TRIM2: variants seen among roughly 807,000 people sequenced by gnomAD.
TRIM2 encodes tripartite motif containing 2, also known as tripartite motif-containing protein 2.
A neutral mutation model predicts 75.2 loss-of-function variants in TRIM2; 20 were observed. That is an observed-to-expected ratio of 0.27 (90% CI 0.19 to 0.39). The LOEUF is 0.39. Ranked by LOEUF, TRIM2 falls within the 10% of genes least tolerant of loss-of-function variation. The pLI, the probability that TRIM2 is intolerant of heterozygous loss-of-function variation, is 1.00. For synonymous variants in TRIM2, 373 were observed against 388.3 expected, an observed-to-expected ratio of 0.96 and a Z score of 0.46; for missense variants, 660 against 990.8, an observed-to-expected ratio of 0.67 and a Z score of 4.48.
chr4:153,274,173 T>C (rs1757515408), intron 2 of TRIM2, among the ~76,000 whole-genome samples: 1 of 152,040 alleles, frequency 6.6e-6, no homozygotes. Context: ...GGGAGGGAGA[T>C]TTAAATGGCT....
chr4:153,332,971 T>G (rs1367348186), intron 11 of TRIM2, among the ~76,000 whole-genome samples: 1 of 152,232 alleles, frequency 6.6e-6, no homozygotes, highest in African/African-American at 2.4e-5. Context: ...CTCCTGGCTG[T>G]CTGTCCCAGA....
At chr4:153,294,570 G>A (rs114717316) in intron 5 of TRIM2, 85 bp downstream of exon 5, 1 of 1,329,778 alleles carries the variant, frequency 7.5e-7, no homozygotes, top group Admixed American at 2.2e-5. Flanking sequence ...GCAACAAGGG[G>A]TCCTTAAGTG....
intron 1 of TRIM2, among the ~76,000 whole-genome samples, chr4:153,178,556 TG>T (rs1244238927): frequency 6.6e-6 from 1 of 152,162 alleles, no homozygotes; most frequent in African/African-American, 2.4e-5. Context: ...CCTGTTTTGT[TG>T]AAAAGCTCAC....
At chr4:153,193,326 T>C (rs1158666759) in intron 1 of TRIM2, among the ~76,000 whole-genome samples, 2 of 151,984 alleles carry the variant, frequency 1.3e-5, no homozygotes, top group Admixed American at 1.3e-4. Flanking sequence ...AGAGACAGGG[T>C]TTCACTGTGT....
chr4:153,244,761 C>T (rs1307943752), intron 1 of TRIM2, among the ~76,000 whole-genome samples: 1 of 152,082 alleles, frequency 6.6e-6, no homozygotes, highest in Non-Finnish European at 1.5e-5. Context: ...TATCTTCCTA[C>T]ATTGCAGGAG....
rs144445840 is a variant in TRIM2, at chr4:153,328,598, T to C, written c.2091T>C (p.Asn697=). The change falls in exon 11 of 12, where the codon AAT becomes AAC. Residue 697 remains asparagine, a synonymous_variant. Coordinates refer to ENST00000338700, the MANE Select transcript of TRIM2 (RefSeq NM_015271.5). ...ATGGAGAAGGAAATGGGCAGTTTAA[T>C]GCTCCAACAGGTGTAGCAGTGGATT... ...GSNGEGNGQF[N]APTGVAVDSN... The C allele has an allele frequency of 6.8e-6, 11 of 1,613,242 alleles. No individual in the cohort carries two copies. In the African/African-American group the frequency reaches 1.2e-4, roughly 18 times the overall value.
intron 1 of TRIM2, among the ~76,000 whole-genome samples, chr4:153,263,603 A>G (rs1347070334): frequency 6.6e-6 from 1 of 152,232 alleles, no homozygotes; most frequent in Non-Finnish European, 1.5e-5. Context: ...TAGGCCTTAC[A>G]TTCTAGGGGG....
intron 3 of TRIM2, among the ~76,000 whole-genome samples, chr4:153,283,149 A>G (rs1275423621): frequency 6.6e-6 from 1 of 152,126 alleles, no homozygotes; most frequent in Non-Finnish European, 1.5e-5. Context: ...AAACATCACC[A>G]CTGTCTAAAT....
chr4:153,336,447 A>G lies in TRIM2; in HGVS notation c.*1481A>G, dbSNP rs1772465022. On this transcript the variant is annotated 3_prime_UTR_variant, in exon 12 of 12. Coordinates refer to ENST00000338700, the MANE Select transcript of TRIM2 (RefSeq NM_015271.5). ...TTACATTTAATTTAAATATAAATGC[A>G]TTTTGAGAAATGTTAAGAACAATTT... 1 of 985,682 alleles carries G rather than the reference A, an allele frequency of 1.0e-6. No individual in the cohort carries two copies. Among genetic ancestry groups the G allele is most frequent in the South Asian group, 4.7e-5 (1 of 21,286 alleles). 61.1% of individuals were successfully genotyped at this position (985,682 alleles called of 1,614,324 possible).
At chr4:153,276,355 G>C (rs1758026701) in intron 3 of TRIM2, 1 of 584,670 alleles carries the variant, frequency 1.7e-6, no homozygotes, top group Non-Finnish European at 3.0e-6. Flanking sequence ...ACATATTGTT[G>C]GTATCCCCAG....
At chr4:153,285,659 A>C (rs1167717236) in intron 3 of TRIM2, among the ~76,000 whole-genome samples, 1 of 152,038 alleles carries the variant, frequency 6.6e-6, no homozygotes, top group African/African-American at 2.4e-5. Flanking sequence ...TGGATTATTC[A>C]TTGTTAGTGT....
At chr4:153,313,385 C>T (rs1348839483) in intron 6 of TRIM2, among the ~76,000 whole-genome samples, 2 of 152,118 alleles carry the variant, frequency 1.3e-5, no homozygotes, top group African/African-American at 2.4e-5. Flanking sequence ...GAACTGACCA[C>T]CACCTGGGTC....
intron 1 of TRIM2, among the ~76,000 whole-genome samples, chr4:153,164,033 AGTTT>A (rs960390386): frequency 3.9e-5 from 6 of 152,194 alleles, no homozygotes; most frequent in African/African-American, 1.2e-4. Context: ...TATCTAATTT[AGTTT>A]ATCTGTACAA....
chr4:153,260,442 T>TAAAGAAAG (rs896059390), intron 1 of TRIM2, among the ~76,000 whole-genome samples: 1 of 151,826 alleles, frequency 6.6e-6, no homozygotes, highest in African/African-American at 2.4e-5. Flanking sequence ...CTTTATATAC[T>TAAAGAAAG]AAAGAAAGAG....
At chr4:153,238,352 TG>T (rs1156601507) in intron 1 of TRIM2, among the ~76,000 whole-genome samples, 1 of 149,126 alleles carries the variant, frequency 6.7e-6, no homozygotes, top group African/African-American at 2.6e-5. Flanking sequence ...TTTCACAATT[TG>T]TACCCAAGCA....
rs943510563 is a variant in TRIM2 at position 153,184,787 on chromosome 4, A to G, written c.-49+31517A>G. 3.9e-5 allele frequency among the ~76,000 whole-genome samples: 6 copies of G among 152,226 alleles called. No individual in the cohort carries two copies. In the East Asian group the frequency reaches 1.2e-3, roughly 29 times the overall value. ...TTATCCTGTCTTTGGGAAGTGGAGT[A>G]GGGTCTCTCAGATACGAGAAACCTC... On this transcript the variant is annotated intron_variant, in intron 1 of 11. Coordinates refer to the TRIM2 transcript ENST00000437508.
chr4:153,323,146 A>G (rs1433283138), intron 9 of TRIM2, among the ~76,000 whole-genome samples: 2 of 152,204 alleles, frequency 1.3e-5, no homozygotes, highest in East Asian at 3.8e-4. Flanking sequence ...CTACTGTTTC[A>G]GCCTAGCTGT....
intron 1 of TRIM2, among the ~76,000 whole-genome samples, chr4:153,162,521 C>G (rs1420231739): frequency 6.6e-6 from 1 of 152,134 alleles, no homozygotes; most frequent in Non-Finnish European, 1.5e-5. Context: ...TAAGATCCAC[C>G]CACATTATGG....
In TRIM2 at chr4:153,338,266, G is replaced by A; in HGVS notation, c.*3300G>A. ...TTGGTAATACCTACTTAGTTAATTG[G>A]AGGAAGTAGTAAATAAACATTAGGT... On this transcript the variant is annotated 3_prime_UTR_variant, in exon 12 of 12. Transcript: ENST00000338700. The A allele has an allele frequency of 1.0e-6, 1 of 985,836 alleles. No homozygotes were observed. Among genetic ancestry groups the A allele is most frequent in the Non-Finnish European group, 1.2e-6 (1 of 829,918 alleles). 61.1% of individuals were successfully genotyped at this position (985,836 alleles called of 1,614,324 possible).
Sources: allele counts gnomAD v4.1 joint callset (sites outside exome capture counted in the v4.1 genomes callset), GRCh38; gene constraint gnomAD v4.1.1; transcripts MANE v1.5; gene names NCBI Gene and HGNC (gene_info 2026-07-23, HGNC 2026-07-21).